ATP10B: variants seen among roughly 807,000 people sequenced by gnomAD.
ATP10B encodes the protein phospholipid-transporting ATPase VB.
A neutral mutation model predicts 141.2 loss-of-function variants in ATP10B; 122 were observed. The ratio of observed to expected loss-of-function variants is 0.86; its 90% CI spans 0.75 to 1.00. ATP10B has a LOEUF of 1.00. Ranked by LOEUF, ATP10B falls within the 50% of genes least tolerant of loss-of-function variation. The pLI is 0.00. For synonymous variants in ATP10B, 685 were observed against 692.0 expected, an observed-to-expected ratio of 0.99 and a Z score of 0.16; for missense variants, 1,876 against 1,825.3, an observed-to-expected ratio of 1.03 and a Z score of -0.51.
At chr5:160,658,008 A>T (rs1440042083) in intron 7 of ATP10B, among the ~76,000 whole-genome samples, 1 of 152,224 alleles carries the variant, frequency 6.6e-6, no homozygotes, top group Non-Finnish European at 1.5e-5. Flanking sequence ...CAAGAAGATG[A>T]TATGAGATCC....
At chr5:160,731,860 A>C (rs1288042572) in intron 2 of ATP10B, among the ~76,000 whole-genome samples, 1 of 152,194 alleles carries the variant, frequency 6.6e-6, no homozygotes, top group Non-Finnish European at 1.5e-5. Context: ...CTGCCCACCC[A>C]AAAACAGTTC....
chr5:160,838,030 T>G (rs1460724656), intron 1 of ATP10B, among the ~76,000 whole-genome samples: 1 of 152,184 alleles, frequency 6.6e-6, no homozygotes, highest in Admixed American at 6.6e-5. Flanking sequence ...AATTAAAAGA[T>G]TATGCCGGTA....
In ATP10B at chr5:160,636,176, T is replaced by C. The variant is rs765201649; in HGVS notation, c.1128+6A>G. 6.3e-7 allele frequency: 1 copy of C among 1,595,438 alleles called. No individual in the cohort carries two copies. The highest frequency in any genetic ancestry group is 8.5e-7 in the Non-Finnish European group (1 of 1,171,760). ...ATTGGGCCCCTAGTTAGGGAGGGCT[T>C]CCTACCTGGAGCAGGATGATCATTG... On this transcript the variant is annotated splice_donor_region_variant and intron_variant, in intron 11 of 25. Transcript: ENST00000327245.
At chr5:160,737,040 A>G (rs1322833011) in intron 2 of ATP10B, among the ~76,000 whole-genome samples, 1 of 152,210 alleles carries the variant, frequency 6.6e-6, no homozygotes, top group Non-Finnish European at 1.5e-5. Context: ...TCAACAATAC[A>G]TTAAAAAGAT....
At chr5:160,609,693 T>A (rs958602063) in intron 18 of ATP10B, among the ~76,000 whole-genome samples, 3 of 152,212 alleles carry the variant, frequency 2.0e-5, no homozygotes, top group African/African-American at 7.2e-5. Flanking sequence ...ATAACTTATT[T>A]TGGAAAGAAT....
chr5:160,728,364 CT>C (rs1355392717), intron 2 of ATP10B, among the ~76,000 whole-genome samples: 2 of 152,160 alleles, frequency 1.3e-5, no homozygotes, highest in Non-Finnish European at 2.9e-5. Context: ...TGATTGAGAT[CT>C]TTGCTTTAGT....
intron 1 of ATP10B, among the ~76,000 whole-genome samples, chr5:160,844,329 A>C (rs1005949277): frequency 6.6e-6 from 1 of 152,212 alleles, no homozygotes; most frequent in African/African-American, 2.4e-5. Flanking sequence ...AATGTACGTA[A>C]GTTGTGGTGT....
intron 7 of ATP10B, among the ~76,000 whole-genome samples, chr5:160,656,784 TG>T (rs1366586976): frequency 1.3e-5 from 2 of 152,172 alleles, no homozygotes; most frequent in Middle Eastern, 3.2e-3. Context: ...AATCCCTCCG[TG>T]TCCATTAGGA....
intron 2 of ATP10B, among the ~76,000 whole-genome samples, chr5:160,751,098 C>T (rs369766074): frequency 4.2e-4 from 64 of 152,356 alleles, no homozygotes; most frequent in African/African-American, 1.5e-3. Context: ...CTGCCTTTCT[C>T]TTCCAGACGG....
intron 22 of ATP10B, among the ~76,000 whole-genome samples, chr5:160,593,536 T>C (rs1203329274): frequency 6.6e-6 from 1 of 152,222 alleles, no homozygotes; most frequent in Non-Finnish European, 1.5e-5. Context: ...GGAACGTAGT[T>C]CCTCACCAGC....
chr5:160,617,925 G>A lies in ATP10B; in HGVS notation c.2465C>T (p.Thr822Ile), dbSNP rs751089376. Residue 822 changes from threonine to isoleucine, a missense_variant, in exon 16 of 26, where the codon ACC becomes ATC. By Grantham distance (89) the Thr-to-Ile change is moderately conservative. Coordinates refer to ENST00000327245, the MANE Select transcript of ATP10B (RefSeq NM_025153.3). ...EKKLRKIRAR[T>I]QKHLDLYARD... is the part of the protein sequence containing the mutation. ...TGCATACAAGTCTAGATGCTTTTGG[G>A]TCCGGGCTCGGATTTTTCTCAGCTT... 2 of 1,614,168 alleles carry A rather than the reference G, an allele frequency of 1.2e-6. No homozygotes were observed. Among genetic ancestry groups the A allele is most frequent in the Non-Finnish European group, 1.7e-6 (2 of 1,180,004 alleles).
intron 24 of ATP10B, among the ~76,000 whole-genome samples, chr5:160,585,780 C>T (rs1206445299): frequency 1.3e-5 from 2 of 152,130 alleles, no homozygotes; most frequent in African/African-American, 4.8e-5. Flanking sequence ...TGTCCCAGTT[C>T]CCAGAAAGTC....
chr5:160,678,062 T>C (rs1045739235), intron 6 of ATP10B, among the ~76,000 whole-genome samples: 1 of 152,216 alleles, frequency 6.6e-6, no homozygotes, highest in Non-Finnish European at 1.5e-5. Flanking sequence ...TGTTCAAGTG[T>C]GCTGTGGCCA....
At chr5:160,606,226 C>G (rs552398898) in intron 19 of ATP10B, among the ~76,000 whole-genome samples, 1 of 152,062 alleles carries the variant, frequency 6.6e-6, no homozygotes, top group Admixed American at 6.5e-5. Flanking sequence ...AAGTTTAGCC[C>G]CCTCTGAAAA....
At chr5:160,666,530 A>C (rs777261564) in intron 7 of ATP10B, among the ~76,000 whole-genome samples, 3 of 152,220 alleles carry the variant, frequency 2.0e-5, no homozygotes, top group African/African-American at 4.8e-5. Context: ...AGTATCAGAG[A>C]AATTCTGCAG....
intron 7 of ATP10B, among the ~76,000 whole-genome samples, chr5:160,651,497 G>A (rs945831822): frequency 5.9e-5 from 9 of 151,898 alleles, no homozygotes; most frequent in African/African-American, 2.2e-4. Flanking sequence ...CATCTTAATT[G>A]TGCCTCAAAA....
chr5:160,763,643 C>A (rs71605441), intron 2 of ATP10B, among the ~76,000 whole-genome samples: 2,711 of 152,140 alleles, frequency 0.018, 59 homozygotes, highest in Middle Eastern at 0.034. Context: ...TAGGGTTACA[C>A]CTCAGGGAAC....
At chr5:160,661,313 T>C (rs1761892627) in intron 7 of ATP10B, among the ~76,000 whole-genome samples, 1 of 152,074 alleles carries the variant, frequency 6.6e-6, no homozygotes, top group South Asian at 2.1e-4. Context: ...ACTTACAGAA[T>C]AAAAGAGATT....
At chr5:160,824,084 T>C (rs1774390678) in intron 1 of ATP10B, among the ~76,000 whole-genome samples, 1 of 151,960 alleles carries the variant, frequency 6.6e-6, no homozygotes, top group Non-Finnish European at 1.5e-5. Context: ...AACAGTGACG[T>C]GATCTCGGCT....
Sources: gnomAD v4.1 joint callset for allele counts (sites outside exome capture counted in the v4.1 genomes callset) on GRCh38, gnomAD v4.1.1 for gene constraint, MANE v1.5 for transcripts, NCBI Gene and HGNC (gene_info 2026-07-23, HGNC 2026-07-21) for gene names.